The following TAFA4 variants were observed in gnomAD, a reference collection of about 807,000 sequenced individuals.
The protein encoded by TAFA4 is chemokine-like protein TAFA-4.
TAFA4 carries 20 observed loss-of-function variants against 21.1 expected under a neutral mutation model. That is an observed-to-expected ratio of 0.95 (90% CI 0.67 to 1.38). The LOEUF is 1.38. Among genes scored for constraint, TAFA4 ranks in the 40% most tolerant of loss-of-function variants. The probability of loss-of-function intolerance (pLI) is 0.00; values close to 1 mark genes in which losing one functional copy is unlikely to be tolerated. For synonymous variants in TAFA4, 71 were observed against 67.4 expected (o/e 1.05, Z -0.26); for missense variants, 211 against 180.9 (o/e 1.17, Z -0.95).
At chr3:68,875,882 C>A (rs2089543942) in intron 3 of TAFA4, among the ~76,000 whole-genome samples, 1 of 151,364 alleles carries the variant, frequency 6.6e-6, no homozygotes, top group Non-Finnish European at 1.5e-5. Context: ...TCCCACTTAC[C>A]TGGTACTTTT....
chr3:68,869,581 C>A (rs536278876), intron 3 of TAFA4, among the ~76,000 whole-genome samples: 2 of 152,078 alleles, frequency 1.3e-5, no homozygotes, highest in African/African-American at 2.4e-5. Flanking sequence ...AAACATGATA[C>A]ATCAGATTAA....
At chr3:68,773,453 A>G (rs750422748) in intron 3 of TAFA4, among the ~76,000 whole-genome samples, 6 of 152,148 alleles carry the variant, frequency 3.9e-5, no homozygotes, top group East Asian at 3.9e-4. Context: ...TTTTATCAGG[A>G]TTTCAATACT....
intron 3 of TAFA4, among the ~76,000 whole-genome samples, chr3:68,789,541 G>A (rs1703325070): frequency 6.6e-6 from 1 of 152,086 alleles, no homozygotes; most frequent in Non-Finnish European, 1.5e-5. Flanking sequence ...TTAAATATAT[G>A]TAATTTTTAT....
chr3:68,824,932 G>C (rs989733189), intron 3 of TAFA4, among the ~76,000 whole-genome samples: 8 of 152,036 alleles, frequency 5.3e-5, no homozygotes, highest in African/African-American at 1.9e-4. Flanking sequence ...ATGCTTGCTT[G>C]GTCAACTCTC....
rs558596052 is a variant in TAFA4 at position 68,841,271 on chromosome 3, C to G, written c.130+39459G>C. 7.4e-5 allele frequency among the ~76,000 whole-genome samples: 10 copies of G among 135,768 alleles called. 2 individuals are homozygous for G. The highest frequency in any genetic ancestry group is 1.6e-4 in the Non-Finnish European group (10 of 62,210). 89.1% of individuals were successfully genotyped at this position (135,768 alleles called of 152,430 possible). On this transcript the variant is annotated intron_variant, in intron 3 of 5. Coordinates refer to ENST00000295569, the MANE Select transcript of TAFA4 (RefSeq NM_182522.5). ...CCGGGAGGCGGAGCTTGCAGTGAGCCGAGATCCCGCCACTGCACTCCAGCC... is the reference window on the plus strand; with the variant it reads ...CCGGGAGGCGGAGCTTGCAGTGAGCGGAGATCCCGCCACTGCACTCCAGCC...
At chr3:68,855,779 C>T (rs1000096878) in intron 3 of TAFA4, among the ~76,000 whole-genome samples, 1 of 151,980 alleles carries the variant, frequency 6.6e-6, no homozygotes, top group African/African-American at 2.4e-5. Context: ...TCCCTGCAAG[C>T]AGAAACATGA....
At chr3:68,871,961 A>G (rs1028137165) in intron 3 of TAFA4, among the ~76,000 whole-genome samples, 2 of 152,170 alleles carry the variant, frequency 1.3e-5, no homozygotes, top group African/African-American at 4.8e-5. Context: ...GGGAATGTAG[A>G]TTAGTACAGC....
chr3:68,769,587 G>GAAAT (rs1355927346), intron 3 of TAFA4, among the ~76,000 whole-genome samples: 1 of 152,072 alleles, frequency 6.6e-6, no homozygotes, highest in East Asian at 1.9e-4. Flanking sequence ...TTACTACAAG[G>GAAAT]AAATAATAAA....
At chr3:68,735,603 C>T (rs1233457097) in intron 5 of TAFA4, among the ~76,000 whole-genome samples, 1 of 152,012 alleles carries the variant, frequency 6.6e-6, no homozygotes, top group Non-Finnish European at 1.5e-5. Flanking sequence ...ATTATATTGA[C>T]AATGACCCAT....
intron 3 of TAFA4, among the ~76,000 whole-genome samples, chr3:68,862,052 G>C (rs1190988547): frequency 6.6e-6 from 1 of 151,620 alleles, no homozygotes; most frequent in Non-Finnish European, 1.5e-5. Flanking sequence ...ACATAGGTAA[G>C]CTGGTGAACT....
chr3:68,910,335 C>T (rs1451784807), intron 1 of TAFA4, among the ~76,000 whole-genome samples: 1 of 152,192 alleles, frequency 6.6e-6, no homozygotes. Flanking sequence ...TCACTTAACA[C>T]ACTCCAGCTT....
chr3:68,787,971 G>C (rs933622653), intron 3 of TAFA4, among the ~76,000 whole-genome samples: 1 of 152,162 alleles, frequency 6.6e-6, no homozygotes, highest in Non-Finnish European at 1.5e-5. Flanking sequence ...TCTCTCTCCA[G>C]TGTGTCCGGC....
chr3:68,899,756 A>G (rs1243390267), intron 1 of TAFA4, among the ~76,000 whole-genome samples: 1 of 152,162 alleles, frequency 6.6e-6, no homozygotes, highest in Non-Finnish European at 1.5e-5. Flanking sequence ...TCCAAAGCAG[A>G]AAAACACAAG....
chr3:68,758,302 C>T (rs780404188), intron 3 of TAFA4, among the ~76,000 whole-genome samples: 5 of 152,146 alleles, frequency 3.3e-5, no homozygotes, highest in Non-Finnish European at 5.9e-5. Context: ...TTGACTGTGT[C>T]CCCACCCAAA....
chr3:68,764,208 C>T (rs979212581), intron 3 of TAFA4, among the ~76,000 whole-genome samples: 2 of 151,960 alleles, frequency 1.3e-5, no homozygotes, highest in Non-Finnish European at 2.9e-5. Flanking sequence ...GGGGAAGAGA[C>T]ATCAGAGAGC....
In TAFA4 at chr3:68,739,079, G is replaced by A. The variant is rs373858589; in HGVS notation, c.407C>T (p.Thr136Met). The A allele has an allele frequency of 6.2e-5, 100 of 1,613,384 alleles. 1 individual carries two copies. Among genetic ancestry groups the A allele is most frequent in the African/African-American group, 9.4e-5 (7 of 74,866 alleles). The change falls in exon 5 of 6, where the codon ACG (threonine) becomes ATG (methionine). Residue 136 changes from threonine (T) to methionine (M), a missense_variant. Transcript: ENST00000295569. ...SCSSGNKVKT[T>M]KVTR ...TTGCATTTTGTCTATACTTGCCTTC[G>A]TAGTTTTGACTTTATTGCCACTGCT...
chr3:68,785,357 C>T (rs1317576292), intron 3 of TAFA4, among the ~76,000 whole-genome samples: 4 of 152,240 alleles, frequency 2.6e-5, no homozygotes, highest in Non-Finnish European at 5.9e-5. Flanking sequence ...GCGCCTGGAG[C>T]AGGGGGCTGC....
chr3:68,894,283 C>A (rs777177223), intron 1 of TAFA4, among the ~76,000 whole-genome samples: 8 of 152,092 alleles, frequency 5.3e-5, no homozygotes, highest in Non-Finnish European at 7.4e-5. Flanking sequence ...CTCAGCTTCC[C>A]AGGTAGCTGG....
intron 3 of TAFA4, among the ~76,000 whole-genome samples, chr3:68,764,644 G>A (rs1365854869): frequency 6.6e-6 from 1 of 152,102 alleles, no homozygotes; most frequent in African/African-American, 2.4e-5. Flanking sequence ...GAAATATCAT[G>A]ACTCTCATCC....
Sources: gnomAD v4.1 joint callset for allele counts (sites outside exome capture counted in the v4.1 genomes callset) on GRCh38, gnomAD v4.1.1 for gene constraint, MANE v1.5 for transcripts, NCBI Gene and HGNC (gene_info 2026-07-23, HGNC 2026-07-21) for gene names.